Variants in ARHGEF3 observed in about 807,000 individuals in gnomAD.
ARHGEF3 encodes 59.8 kDA protein.
In ARHGEF3, 28 loss-of-function variants were observed where a neutral mutation model predicts 63.2. The observed-to-expected ratio is 0.44, with a 90% CI of 0.33 to 0.61. ARHGEF3 has a LOEUF of 0.61. Among genes scored for constraint, ARHGEF3 ranks in the 20% least tolerant of loss-of-function variants. The pLI, the probability that ARHGEF3 is intolerant of heterozygous loss-of-function variation, is 0.03. For synonymous variants in ARHGEF3, 266 were observed against 254.2 expected (o/e 1.05, Z -0.44); for missense variants, 533 against 659.3 (o/e 0.81, Z 2.10).
At chr3:56,744,219 G>A (rs778375230) in intron 7 of ARHGEF3, among the ~76,000 whole-genome samples, 2 of 151,862 alleles carry the variant, frequency 1.3e-5, no homozygotes, top group Admixed American at 6.6e-5. Flanking sequence ...CCCGCTCCCC[G>A]TGGCCTGCCA....
chr3:56,777,313 C>T (rs1178911130), intron 1 of ARHGEF3, among the ~76,000 whole-genome samples: 3 of 152,096 alleles, frequency 2.0e-5, no homozygotes, highest in East Asian at 1.9e-4. Context: ...AGAAAAGAAG[C>T]GACGGGTGGG....
intron 1 of ARHGEF3, among the ~76,000 whole-genome samples, chr3:56,790,690 C>T (rs1300600937): frequency 6.6e-6 from 1 of 152,164 alleles, no homozygotes; most frequent in Non-Finnish European, 1.5e-5. Context: ...TGTTAGTATG[C>T]CAACATAAGA....
chr3:57,053,570 A>G (rs1474988724), intron 1 of ARHGEF3, among the ~76,000 whole-genome samples: 1 of 152,232 alleles, frequency 6.6e-6, no homozygotes, highest in Non-Finnish European at 1.5e-5. Context: ...ACATTTTTAG[A>G]TATTTATACC....
At chr3:57,051,262 C>G (rs1346441961) in intron 1 of ARHGEF3, among the ~76,000 whole-genome samples, 1 of 152,022 alleles carries the variant, frequency 6.6e-6, no homozygotes, top group African/African-American at 2.4e-5. Context: ...CTGAGGTGGG[C>G]GGATAACCTG....
chr3:56,952,669 A>G (rs921535457), intron 3 of ARHGEF3, among the ~76,000 whole-genome samples: 1 of 152,238 alleles, frequency 6.6e-6, no homozygotes, highest in Non-Finnish European at 1.5e-5. Context: ...AGTGCCAGGT[A>G]AAATGTAAGT....
At chr3:57,014,828 C>A (rs1702915230) in intron 2 of ARHGEF3, among the ~76,000 whole-genome samples, 1 of 151,836 alleles carries the variant, frequency 6.6e-6, no homozygotes, top group Non-Finnish European at 1.5e-5. Flanking sequence ...CTACAGGCGC[C>A]CGCCACTGCA....
intron 3 of ARHGEF3, among the ~76,000 whole-genome samples, chr3:56,920,790 T>C (rs563501128): frequency 6.3e-4 from 96 of 152,296 alleles, no homozygotes; most frequent in Middle Eastern, 3.4e-3. Flanking sequence ...CGATGGCTCA[T>C]GCCTGTAATC....
intron 2 of ARHGEF3, among the ~76,000 whole-genome samples, chr3:57,008,143 C>T (rs112369554): frequency 2.6e-5 from 4 of 151,882 alleles, no homozygotes; most frequent in Admixed American, 2.0e-4. Context: ...TGTTGAGCCA[C>T]GCTACATGTA....
intron 1 of ARHGEF3, among the ~76,000 whole-genome samples, chr3:56,795,153 C>A (rs997876491): frequency 1.3e-5 from 2 of 151,966 alleles, no homozygotes; most frequent in African/African-American, 4.8e-5. Flanking sequence ...TATTTTTGAC[C>A]AATGGTTGGT....
chr3:57,026,437 G>A (rs905501530), intron 2 of ARHGEF3, among the ~76,000 whole-genome samples: 6 of 152,192 alleles, frequency 3.9e-5, no homozygotes, highest in African/African-American at 1.4e-4. Context: ...CCCACCCCAC[G>A]CTTGCACAGC....
intron 2 of ARHGEF3, among the ~76,000 whole-genome samples, chr3:56,970,791 C>T (rs1356502578): frequency 6.6e-6 from 1 of 152,244 alleles, no homozygotes; most frequent in Admixed American, 6.5e-5. Context: ...TGCTGCCATA[C>T]AGGGGCGGCT....
chr3:56,762,305 C>T (rs1331647601), intron 2 of ARHGEF3, among the ~76,000 whole-genome samples: 2 of 152,246 alleles, frequency 1.3e-5, no homozygotes, highest in African/African-American at 2.4e-5. Flanking sequence ...GCAAGAGTTT[C>T]CATGAGGGAA....
chr3:56,774,431 T>C (rs1287674714), intron 1 of ARHGEF3, among the ~76,000 whole-genome samples: 1 of 152,106 alleles, frequency 6.6e-6, no homozygotes, highest in African/African-American at 2.4e-5. Context: ...AGAAAATGTA[T>C]AGAGAAAAAG....
intron 3 of ARHGEF3, among the ~76,000 whole-genome samples, chr3:56,898,971 A>G (rs780720780): frequency 1.3e-5 from 2 of 152,102 alleles, no homozygotes; most frequent in African/African-American, 2.4e-5. Context: ...GGAGAATGGC[A>G]TGAACCCAGG....
upstream of ARHGEF3, among the ~76,000 whole-genome samples, chr3:56,802,906 C>A (rs2107975709): frequency 6.6e-6 from 1 of 152,266 alleles, no homozygotes; most frequent in Middle Eastern, 3.4e-3. Flanking sequence ...TGTAATACCG[C>A]TTAGCAGCAG....
chr3:57,020,766 T>C (rs1703223972), intron 2 of ARHGEF3, among the ~76,000 whole-genome samples: 1 of 152,238 alleles, frequency 6.6e-6, no homozygotes, highest in Non-Finnish European at 1.5e-5. Context: ...CCTGAGGCTA[T>C]CTACTGTCGG....
intron 1 of ARHGEF3, among the ~76,000 whole-genome samples, chr3:56,776,918 G>A (rs2036311929): frequency 6.6e-6 from 1 of 152,050 alleles, no homozygotes; most frequent in African/African-American, 2.4e-5. Context: ...TCTCACTAAA[G>A]TTTAAAAAAA....
chr3:56,873,908 T>C (rs2040509047), intron 4 of ARHGEF3, among the ~76,000 whole-genome samples: 1 of 152,186 alleles, frequency 6.6e-6, no homozygotes, highest in African/African-American at 2.4e-5. Context: ...TCAAGGTCAC[T>C]TTGAAGGGGA....
At chr3:57,032,739 A>C (rs778039176) in intron 2 of ARHGEF3, among the ~76,000 whole-genome samples, 5 of 152,174 alleles carry the variant, frequency 3.3e-5, no homozygotes, top group Non-Finnish European at 5.9e-5. Flanking sequence ...GTGGATATAA[A>C]AGTAGGGAAA....
Sources: gnomAD v4.1 joint callset for allele counts (sites outside exome capture counted in the v4.1 genomes callset) on GRCh38, gnomAD v4.1.1 for gene constraint, MANE v1.5 for transcripts, NCBI Gene and HGNC (gene_info 2026-07-23, HGNC 2026-07-21) for gene names.